Variants in ADGRD2 observed in about 807,000 individuals in gnomAD.
The protein encoded by ADGRD2 is adhesion G protein-coupled receptor D2, also known as G protein-coupled receptor PGR24.
ADGRD2 carries 71 observed loss-of-function variants against 44.4 expected under a neutral mutation model. That is an observed-to-expected ratio of 1.60 (90% CI 1.32 to 1.95). The LOEUF (loss-of-function observed/expected upper bound fraction) is 1.95. Ranked by LOEUF, ADGRD2 falls within the 30% of genes most tolerant of loss-of-function variation. The pLI, the probability that ADGRD2 is intolerant of heterozygous loss-of-function variation, is 0.00. For synonymous variants in ADGRD2, 481 were observed against 224.8 expected (o/e 2.14, Z -10.19); for missense variants, 1,039 against 512.4 (o/e 2.03, Z -9.92).
At chr9:124,470,443 G>C in intron 16 of ADGRD2, 51 bp from the exon 20 acceptor site, 1 of 690,380 alleles carries the variant, frequency 1.4e-6, no homozygotes, top group East Asian at 2.7e-5. Context: ...AGCCCTGCGG[G>C]GAGCTCCCCA....
In ADGRD2 at chr9:124,458,601, C is replaced by T. The variant is rs1322744054; in HGVS notation, c.1765-15C>T. ...CCTCCACAGCCACCCTTGAAAGCTC[C>T]CATTCTTCCCACAGGTTCCTAAGCA... On this transcript the variant is annotated splice_polypyrimidine_tract_variant and intron_variant, in intron 9 of 21. Transcript: ENST00000334810. 1.4e-6 allele frequency: 1 copy of T among 718,346 alleles called. No individual in the cohort carries two copies. The highest frequency in any genetic ancestry group is 2.0e-5 in the Admixed American group (1 of 49,994). 44.5% of individuals were successfully genotyped at this position (718,346 alleles called of 1,614,324 possible).
intron 16 of ADGRD2, among the ~76,000 whole-genome samples, chr9:124,470,189 C>T (rs1338975890): frequency 6.6e-6 from 1 of 152,184 alleles, no homozygotes; most frequent in Non-Finnish European, 1.5e-5. Flanking sequence ...CCTGCTGGTC[C>T]CACTGCTCAG....
In ADGRD2 at chr9:124,466,574, C is replaced by T. The variant is rs1431758701; in HGVS notation, c.2026+161C>T. 8.7e-6 allele frequency: 4 copies of T among 457,512 alleles called. No homozygotes were observed. The East Asian group carries it at 1.4e-4, about 16-fold the overall frequency. 28.3% of individuals were successfully genotyped at this position (457,512 alleles called of 1,614,324 possible). On this transcript the variant is annotated intron_variant, in intron 11 of 21. Coordinates refer to ENST00000334810, the Ensembl canonical transcript of ADGRD2. ...GTAGTTCATGCCTGTTGTCCCAGCA[C>T]TTTGGGCGGCTGATCACTTGAGCCC...
At chr9:124,459,762 A>G (rs1372957863) in intron 10 of ADGRD2, among the ~76,000 whole-genome samples, 1 of 152,152 alleles carries the variant, frequency 6.6e-6, no homozygotes, top group Non-Finnish European at 1.5e-5. Context: ...TCTAGAGATG[A>G]CTTAAAGTAT....
chr9:124,455,362 G>A (rs567899851), intron 6 of ADGRD2, among the ~76,000 whole-genome samples: 3 of 152,318 alleles, frequency 2.0e-5, no homozygotes, highest in Admixed American at 2.0e-4. Flanking sequence ...AGGTTGAGGC[G>A]GGTGGATCAC....
In ADGRD2 at chr9:124,453,733, C is replaced by T. The variant is rs1332061021; in HGVS notation, c.923+57C>T. 8.8e-5 allele frequency: 58 copies of T among 658,230 alleles called. No homozygotes were observed. In the East Asian group the frequency reaches 1.4e-3, roughly 16 times the overall value. 40.8% of individuals were successfully genotyped at this position (658,230 alleles called of 1,614,324 possible). ...TGGCCCCGAATCCTTCCCTTCCGACCCTGGAACTCGACCCACCCCTTGCCA... is the reference window on the plus strand; with the variant it reads ...TGGCCCCGAATCCTTCCCTTCCGACTCTGGAACTCGACCCACCCCTTGCCA... On this transcript the variant is annotated intron_variant, in intron 3 of 21. Coordinates refer to ENST00000334810, the Ensembl canonical transcript of ADGRD2.
At position 124,454,693 on chromosome 9, in the gene ADGRD2, G is replaced by C. The variant is rs557119578; in HGVS notation, c.1108+124G>C. 1.1e-5 allele frequency: 7 copies of C among 640,054 alleles called. No individual in the cohort carries two copies. Among genetic ancestry groups the C allele is most frequent in the Non-Finnish European group, 2.0e-5 (7 of 348,174 alleles). The allele number at this position is 640,054 out of a possible 1,614,324, so 39.6% of individuals were successfully genotyped here. On this transcript the variant is annotated intron_variant, in intron 5 of 21. Coordinates refer to ENST00000334810, the Ensembl canonical transcript of ADGRD2. The surrounding 1 kb of genome is among the most constrained non-coding windows in gnomAD (Gnocchi z 4.5). ...GTCTGCAGGAATAAAGGCCATTCAG[G>C]CTCCCTATTCTGTAGCCCCTGAGAG...
chr9:124,453,695 C>CCG lies in ADGRD2; in HGVS notation c.923+19_923+20insCG. 1.5e-6 allele frequency: 1 copy of CCG among 678,244 alleles called. No individual in the cohort carries two copies. Among genetic ancestry groups the CCG allele is most frequent in the Non-Finnish European group, 2.7e-6 (1 of 373,368 alleles). The allele number at this position is 678,244 out of a possible 1,614,324, so 42.0% of individuals were successfully genotyped here. On this transcript the variant is annotated intron_variant, in intron 3 of 21. Transcript: ENST00000334810. ...TGTCCCGGTACGACCCGCCCCGCCC[C>CCG]GGCCCCACCCCATGGCCCCGAATCC...
chr9:124,452,071 C>A (rs1026588035), upstream of ADGRD2: 2 of 716,188 alleles, frequency 2.8e-6, no homozygotes, highest in Non-Finnish European at 5.2e-6. Context: ...CCAGCCCCCA[C>A]CTGTCTTCTT....
chr9:124,464,180 A>G (rs1043539580), intron 10 of ADGRD2, among the ~76,000 whole-genome samples: 11 of 152,018 alleles, frequency 7.2e-5, no homozygotes, highest in Non-Finnish European at 5.9e-5. Context: ...TAATAATTTA[A>G]AATACATTAA....
chr9:124,476,523 T>G, intron 20 of ADGRD2, 108 bp downstream of exon 23: 1 of 637,710 alleles, frequency 1.6e-6, no homozygotes, highest in Non-Finnish European at 2.8e-6. Context: ...GGTGGGGGCT[T>G]CCCGGGGATC....
rs1323700601 is a variant in ADGRD2, at chr9:124,475,437, T to C, written c.2759-9T>C. On this transcript the variant is annotated splice_polypyrimidine_tract_variant and intron_variant, in intron 17 of 21. Coordinates refer to ENST00000334810, the Ensembl canonical transcript of ADGRD2. ...TCCGGGCTGAGGCACTCGCTGGGTC[T>C]GTCCTCAGGGGCTGTACATCTTCCT... 9 of 711,634 alleles carry C rather than the reference T, an allele frequency of 1.3e-5. No individual in the cohort carries two copies. The highest frequency in any genetic ancestry group is 2.4e-5 in the Non-Finnish European group (9 of 381,438). The allele number at this position is 711,634 out of a possible 1,614,324, so 44.1% of individuals were successfully genotyped here.
chr9:124,476,733 C>G, intron 21 of ADGRD2, 24 bp downstream of exon 24: 2 of 695,808 alleles, frequency 2.9e-6, no homozygotes, highest in Non-Finnish European at 5.2e-6. Flanking sequence ...CTCACGGGGT[C>G]CCCTCTTTTC....
intron 3 of ADGRD2, 34 bp downstream of exon 6, chr9:124,453,710 G>GC: frequency 3.0e-6 from 2 of 657,610 alleles, no homozygotes; most frequent in Non-Finnish European, 5.5e-6. Flanking sequence ...CCACCCCATG[G>GC]CCCCGAATCC....
intron 3 of ADGRD2, 46 bp from the exon 7 acceptor site, chr9:124,453,953 G>T (rs189119581): frequency 3.3e-6 from 2 of 607,194 alleles, no homozygotes; most frequent in South Asian, 1.9e-5. Flanking sequence ...GTCCTGGCTC[G>T]CCAGGGTCCC....
Position 124,453,785 on chromosome 9 carries a change from G to A in ADGRD2, c.923+109G>A, listed in dbSNP as rs1044921391. 7.3e-5 allele frequency: 43 copies of A among 592,788 alleles called. No homozygotes were observed. The African/African-American group carries it at 8.5e-4, about 12-fold the overall frequency. 36.7% of individuals were successfully genotyped at this position (592,788 alleles called of 1,614,324 possible). A position where few individuals can be genotyped will look rare whatever the true frequency, so the allele number is the denominator to read the frequency against. ...CCAAGCCACGCCTAGCTCTGGCCAC[G>A]CCCTCTCCAGGCCGCAGTGCCTGCA... On this transcript the variant is annotated intron_variant, in intron 3 of 21. Coordinates refer to ENST00000334810, the Ensembl canonical transcript of ADGRD2.
At chr9:124,462,903 C>T (rs532847475) in intron 10 of ADGRD2, among the ~76,000 whole-genome samples, 2 of 143,640 alleles carry the variant, frequency 1.4e-5, no homozygotes, top group South Asian at 2.1e-4. Flanking sequence ...TCCTTTCTTC[C>T]TTCCTTCCTT....
At chr9:124,456,591 G>T (rs748335164) in intron 6 of ADGRD2, 31 bp from the exon 10 acceptor site, 1 of 717,750 alleles carries the variant, frequency 1.4e-6, no homozygotes, top group Non-Finnish European at 2.6e-6. Flanking sequence ...TGCAGAGTGT[G>T]ACAGAGAGCT....
At chr9:124,461,842 C>T (rs1831727871) in intron 10 of ADGRD2, among the ~76,000 whole-genome samples, 1 of 151,598 alleles carries the variant, frequency 6.6e-6, no homozygotes, top group Non-Finnish European at 1.5e-5. Context: ...CCACCTCCCG[C>T]GTTCAAGTGA....
Sources: gnomAD v4.1 joint callset for allele counts (sites outside exome capture counted in the v4.1 genomes callset) on GRCh38, gnomAD v4.1.1 for gene constraint, Gnocchi (gnomAD v3.1) non-coding constraint, MANE v1.5 for transcripts, NCBI Gene and HGNC (gene_info 2026-07-23, HGNC 2026-07-21) for gene names.